Variants in CCDC82 observed in about 807,000 individuals in gnomAD.
CCDC82 encodes coiled-coil domain containing 82.
Under a neutral mutation model 60.6 loss-of-function variants are expected in CCDC82, and 47 were observed. That is an observed-to-expected ratio of 0.77 (90% CI 0.61 to 0.99). CCDC82 has a LOEUF of 0.99. CCDC82 is among the 50% of genes least tolerant of loss of function. The probability of loss-of-function intolerance (pLI) is 0.00; values close to 1 mark genes in which losing one functional copy is unlikely to be tolerated. For synonymous variants in CCDC82, 212 were observed against 207.4 expected (o/e 1.02, Z -0.19); for missense variants, 588 against 633.0 (o/e 0.93, Z 0.76).
At chr11:96,358,759 G>A (rs1864473297) in intron 9 of CCDC82, 2 of 909,432 alleles carry the variant, frequency 2.2e-6, no homozygotes, top group Non-Finnish European at 3.1e-6. Context: ...AAAGGACAGT[G>A]TTAATGCTTA....
At position 96,373,388 on chromosome 11, in the gene CCDC82, C is replaced by T. The variant is rs2136148147; in HGVS notation, c.1071G>A (p.Leu357=). 1 of 1,600,016 alleles carries T rather than the reference C, an allele frequency of 6.2e-7. No homozygotes were observed. The highest frequency in any genetic ancestry group is 8.5e-7 in the Non-Finnish European group (1 of 1,169,832). ...GTATTAACTTACCATATAATGTTCC[C>T]AGAAAAGATTCATCTAAAGCGTTGA... is the stretch of plus-strand genomic sequence containing the variant. ...LLINALDESF[L]GTLYDGTRQK... The change falls in exon 6 of 10, where the codon CTG becomes CTA. Residue 357 remains leucine, a synonymous_variant. Coordinates refer to ENST00000646818, the MANE Select transcript of CCDC82 (RefSeq NM_024725.4).
chr11:96,376,327 G>A (rs770534963), intron 5 of CCDC82, among the ~76,000 whole-genome samples: 1 of 151,644 alleles, frequency 6.6e-6, no homozygotes, highest in Non-Finnish European at 1.5e-5. Flanking sequence ...CTTGTTCTAC[G>A]CATATTACCT....
In CCDC82 at chr11:96,383,408, A is replaced by T; in HGVS notation, c.852T>A (p.Tyr284Ter). Residue 284 changes from tyrosine (Y) to a stop codon, truncating the protein, a stop_gained, in exon 5 of 10, where the codon TAT becomes TAA. Transcript: ENST00000646818. LOFTEE classifies it high-confidence loss of function. ...AATCATCTCCATCTTCATCAGATTC[A>T]TAATTATCCTCTTCTTCCTCCTCAT... Reference protein sequence around the residue: ...EVDEEEEEDNYESDEDGDDYI... With the variant: ...EVDEEEEEDN 3 of 1,602,936 alleles carry T rather than the reference A, an allele frequency of 1.9e-6. No homozygotes were observed. The highest frequency in any genetic ancestry group is 2.6e-6 in the Non-Finnish European group (3 of 1,173,390).
intron 7 of CCDC82, 100 bp downstream of exon 7, chr11:96,370,913 C>T (rs1865227467): frequency 3.9e-6 from 4 of 1,025,984 alleles, no homozygotes; most frequent in East Asian, 5.7e-5. Context: ...TTAACAAAGA[C>T]ATGCCAATAT....
rs1004302561 is a variant in CCDC82, at chr11:96,356,998, G to A, written c.1566+1995C>T. On this transcript the variant is annotated intron_variant, in intron 9 of 9. Transcript: ENST00000646818. ...TATGAGCGGAAAGTGCCATGGAGAC[G>A]GCATTCAAGTAACACTGAGCCCCAG... The A allele has an allele frequency of 5.0e-5, 49 of 985,290 alleles. No individual in the cohort carries two copies. The African/African-American group carries it at 6.8e-4, about 14-fold the overall frequency. The allele number at this position is 985,290 out of a possible 1,614,324, so 61.0% of individuals were successfully genotyped here. A position where few individuals can be genotyped will look rare whatever the true frequency, so the allele number is the denominator to read the frequency against.
At chr11:96,369,690 T>C (rs1565309592) in intron 7 of CCDC82, among the ~76,000 whole-genome samples, 1 of 152,218 alleles carries the variant, frequency 6.6e-6, no homozygotes, top group African/African-American at 2.4e-5. Flanking sequence ...ATGAAAAAGT[T>C]TGAAATACTG....
chr11:96,360,183 A>AAT lies in CCDC82; in HGVS notation c.1381-1007_1381-1006dup, dbSNP rs200051985. ...ATTTACATATTAAAATATTTATTTAAATATATATATATATATTTTTTTTGT... is the reference window on the plus strand; with the variant it reads ...ATTTACATATTAAAATATTTATTTAAATATATATATATATATATTTTTTTTGT... On this transcript the variant is annotated intron_variant, in intron 8 of 9. Coordinates refer to ENST00000646818, the MANE Select transcript of CCDC82 (RefSeq NM_024725.4). 4.4e-3 allele frequency among the ~76,000 whole-genome samples: 502 copies of AAT among 114,504 alleles called. 3 individuals are homozygous for AAT. Among genetic ancestry groups the AAT allele is most frequent in the Admixed American group, 8.6e-3 (96 of 11,174 alleles). 75.1% of individuals were successfully genotyped at this position (114,504 alleles called of 152,430 possible). A position where few individuals can be genotyped will look rare whatever the true frequency, so the allele number is the denominator to read the frequency against.
chr11:96,387,678 CTCAT>C (rs1447929239), intron 1 of CCDC82, 65 bp from the exon 2 acceptor site: 1 of 152,144 alleles, frequency 6.6e-6, no homozygotes, highest in Non-Finnish European at 1.5e-5. Context: ...ATTTTTATCT[CTCAT>C]TCATGCTGTA....
At chr11:96,371,867 G>C (rs182850955) in intron 6 of CCDC82, among the ~76,000 whole-genome samples, 13 of 152,090 alleles carry the variant, frequency 8.5e-5, no homozygotes, top group African/African-American at 3.1e-4. Context: ...ACTCATTACT[G>C]CCTTTCTGAT....
intron 9 of CCDC82, chr11:96,358,167 T>C (rs73531191): frequency 0.017 from 16,740 of 989,298 alleles, 448 homozygotes; most frequent in African/African-American, 0.11. Flanking sequence ...GGATCTCAAG[T>C]TAGGCTTTTT....
chr11:96,356,567 CA>C, intron 9 of CCDC82: 2 of 985,016 alleles, frequency 2.0e-6, no homozygotes, highest in Non-Finnish European at 2.4e-6. Flanking sequence ...TCTTAATGAA[CA>C]AATATTCGTT....
chr11:96,353,934 A>G (rs1257887387), intron 9 of CCDC82: 1 of 364,758 alleles, frequency 2.7e-6, no homozygotes, highest in Non-Finnish European at 4.9e-6. Context: ...ATCAAAGTGA[A>G]TATTATTAAT....
intron 6 of CCDC82, among the ~76,000 whole-genome samples, chr11:96,371,442 C>G (rs527689561): frequency 6.6e-6 from 1 of 151,968 alleles, no homozygotes; most frequent in African/African-American, 2.4e-5. Context: ...ATTAGCCAGG[C>G]GTGGTAGCGG....
chr11:96,356,337 T>G lies in CCDC82; in HGVS notation c.1567-2623A>C, dbSNP rs552294127. 4 of 616,262 alleles carry G rather than the reference T, an allele frequency of 6.5e-6. No individual in the cohort carries two copies. In the South Asian group the frequency reaches 2.8e-4, roughly 44 times the overall value. 38.2% of individuals were successfully genotyped at this position (616,262 alleles called of 1,614,324 possible). Reference sequence around the variant, plus strand: ...AGGCAAGGGATATCTAATTATAATTTTAAATTATTATGTATATGACAATAT... The same window carrying G: ...AGGCAAGGGATATCTAATTATAATTGTAAATTATTATGTATATGACAATAT... On this transcript the variant is annotated intron_variant, in intron 9 of 9. Transcript: ENST00000646818.
At chr11:96,357,917 A>G in intron 9 of CCDC82, 2 of 985,412 alleles carry the variant, frequency 2.0e-6, no homozygotes, top group Non-Finnish European at 2.4e-6. Flanking sequence ...AAATGAGAGA[A>G]AGACTTAAGG....
intron 9 of CCDC82, 56 bp from the exon 10 acceptor site, chr11:96,353,770 G>T: frequency 7.9e-7 from 1 of 1,262,052 alleles, no homozygotes; most frequent in Non-Finnish European, 1.1e-6. Flanking sequence ...AGACAAACTG[G>T]GCCTTTGCAA....
chr11:96,358,957 A>G, intron 9 of CCDC82, 36 bp downstream of exon 9: 3 of 1,515,426 alleles, frequency 2.0e-6, no homozygotes, highest in Middle Eastern at 1.7e-4. Context: ...TAGCCTTCAG[A>G]ATCTACATGA....
intron 6 of CCDC82, among the ~76,000 whole-genome samples, chr11:96,373,109 G>A (rs950674069): frequency 4.6e-5 from 7 of 152,178 alleles, no homozygotes; most frequent in Non-Finnish European, 7.3e-5. Context: ...GCTGTTTTAG[G>A]TGTTATCCTG....
chr11:96,353,523 A>C lies in CCDC82; in HGVS notation c.*123T>G, dbSNP rs1864186133. Reference sequence around the variant, plus strand: ...CAGGAATTAAGATAATCATGTTTTAAACAAAATATTTTGCCATGAAGATAT... The same window carrying C: ...CAGGAATTAAGATAATCATGTTTTACACAAAATATTTTGCCATGAAGATAT... On this transcript the variant is annotated 3_prime_UTR_variant, in exon 10 of 10. Coordinates refer to ENST00000646818, the MANE Select transcript of CCDC82 (RefSeq NM_024725.4). 4 of 762,820 alleles carry C rather than the reference A, an allele frequency of 5.2e-6. No homozygotes were observed. In the East Asian group the frequency reaches 7.6e-5, roughly 15 times the overall value. The allele number at this position is 762,820 out of a possible 1,614,324, so 47.3% of individuals were successfully genotyped here. A position where few individuals can be genotyped will look rare whatever the true frequency, so the allele number is the denominator to read the frequency against.
Sources: gnomAD v4.1 joint callset for allele counts (sites outside exome capture counted in the v4.1 genomes callset) on GRCh38, gnomAD v4.1.1 for gene constraint, MANE v1.5 for transcripts, NCBI Gene and HGNC (gene_info 2026-07-23, HGNC 2026-07-21) for gene names.